Variants in SPATA6 observed in about 807,000 individuals in gnomAD.
SPATA6 encodes the protein spermatogenesis associated 6, also known as spermatogenesis-associated protein 6.
SPATA6 carries 56 observed loss-of-function variants against 65.3 expected under a neutral mutation model. The ratio of observed to expected loss-of-function variants is 0.86; its 90% CI spans 0.69 to 1.07. The LOEUF (loss-of-function observed/expected upper bound fraction) is 1.07. Among genes scored for constraint, SPATA6 ranks in the 50% least tolerant of loss-of-function variants. The pLI is 0.00. For synonymous variants in SPATA6, 199 were observed against 213.2 expected, an observed-to-expected ratio of 0.93 and a Z score of 0.58; for missense variants, 590 against 594.8, an observed-to-expected ratio of 0.99 and a Z score of 0.08.
In SPATA6 at chr1:48,359,762, C is replaced by T. The variant is rs2148817208; in HGVS notation, c.918G>A (p.Arg306=). The T allele has an allele frequency of 6.2e-7, 1 of 1,608,344 alleles. No individual in the cohort carries two copies. The highest frequency in any genetic ancestry group is 8.5e-7 in the Non-Finnish European group (1 of 1,177,426). Residue 306 remains arginine, a synonymous_variant, in exon 10 of 13, where the codon AGG becomes AGA. Transcript: ENST00000371847. ...CCRPKDYKVI[R]TPHGRDFDDS... is the part of the protein sequence containing the mutation. ...CATCGAAGTCTCTCCCATGGGGTGT[C>T]CTGATAACCTGTTTTAAAAATTATA... is the stretch of plus-strand genomic sequence containing the variant.
intron 1 of SPATA6, among the ~76,000 whole-genome samples, chr1:48,453,404 T>C (rs1168561965): frequency 6.6e-6 from 1 of 152,220 alleles, no homozygotes; most frequent in African/African-American, 2.4e-5. Context: ...CAGACACTAA[T>C]AGTTTTAAAC....
chr1:48,364,442 T>A (rs1646927370), intron 9 of SPATA6, among the ~76,000 whole-genome samples: 2 of 152,242 alleles, frequency 1.3e-5, no homozygotes, highest in African/African-American at 4.8e-5. Context: ...TTCCTATTTC[T>A]ACACATCCTC....
At chr1:48,285,554 C>T in the SPATA6 span, among the ~76,000 whole-genome samples, 1 of 151,766 alleles carries the variant, frequency 6.6e-6, no homozygotes, top group Non-Finnish European at 1.5e-5. Flanking sequence ...TGTGTGAAAC[C>T]CAGGGCCCTG....
At chr1:48,385,609 T>C (rs1649380951) in intron 8 of SPATA6, among the ~76,000 whole-genome samples, 1 of 152,204 alleles carries the variant, frequency 6.6e-6, no homozygotes, top group Non-Finnish European at 1.5e-5. Flanking sequence ...GAGTAACTTT[T>C]AGTCGATAAA....
intron 10 of SPATA6, among the ~76,000 whole-genome samples, chr1:48,356,411 TAATA>T (rs1218783683): frequency 1.3e-5 from 2 of 151,630 alleles, no homozygotes; most frequent in Non-Finnish European, 2.9e-5. Context: ...TTTCTAATTA[TAATA>T]TATAGTGTTA....
At chr1:48,376,359 T>G (rs778164050) in intron 9 of SPATA6, among the ~76,000 whole-genome samples, 1 of 152,138 alleles carries the variant, frequency 6.6e-6, no homozygotes, top group Non-Finnish European at 1.5e-5. Context: ...GCAGAAAAAT[T>G]TAGAGTTCTG....
chr1:48,344,754 A>T (rs986557506), intron 11 of SPATA6, among the ~76,000 whole-genome samples: 3 of 152,196 alleles, frequency 2.0e-5, no homozygotes. Context: ...ACTTTAAACC[A>T]ACAAAGATAA....
At chr1:48,470,221 A>T (rs1402872613) in intron 1 of SPATA6, among the ~76,000 whole-genome samples, 1 of 152,210 alleles carries the variant, frequency 6.6e-6, no homozygotes, top group East Asian at 1.9e-4. Context: ...GTTACAACAG[A>T]GTACTTCCTC....
intron 12 of SPATA6, among the ~76,000 whole-genome samples, chr1:48,304,223 C>G (rs1645005556): frequency 6.6e-6 from 1 of 152,110 alleles, no homozygotes; most frequent in Admixed American, 6.6e-5. Flanking sequence ...AAGGACTGAC[C>G]ACTTCATCCA....
the SPATA6 span, among the ~76,000 whole-genome samples, chr1:48,278,102 C>A: frequency 4.9e-4 from 74 of 152,320 alleles, no homozygotes; most frequent in African/African-American, 1.7e-3. Context: ...CAAACTCCAA[C>A]AGACCTGCAG....
intron 11 of SPATA6, chr1:48,355,450 T>G (rs546687429): frequency 5.1e-6 from 2 of 393,204 alleles, no homozygotes; most frequent in East Asian, 3.9e-5. Context: ...TAACATTGTT[T>G]ATAGTTAAGA....
At chr1:48,364,795 T>C (rs1049371103) in intron 9 of SPATA6, among the ~76,000 whole-genome samples, 6 of 152,368 alleles carry the variant, frequency 3.9e-5, no homozygotes, top group East Asian at 1.9e-4. Context: ...AGAAGCTCTT[T>C]AGTTTAATTA....
At chr1:48,366,568 C>G (rs1647022140) in intron 9 of SPATA6, among the ~76,000 whole-genome samples, 1 of 152,144 alleles carries the variant, frequency 6.6e-6, no homozygotes, top group South Asian at 2.1e-4. Context: ...TCTAGATTTT[C>G]TAGTTTATTT....
At chr1:48,280,160 A>T in the SPATA6 span, among the ~76,000 whole-genome samples, 1 of 151,594 alleles carries the variant, frequency 6.6e-6, no homozygotes. Flanking sequence ...ACATACCAGA[A>T]TCTCTGGGAC....
intron 1 of SPATA6, 68 bp downstream of exon 1, chr1:48,471,890 G>C: frequency 1.3e-6 from 2 of 1,572,742 alleles, no homozygotes; most frequent in Admixed American, 3.4e-5. Context: ...GTGGTTCCGG[G>C]CTCTCGGAGG....
intron 1 of SPATA6, among the ~76,000 whole-genome samples, chr1:48,471,297 TG>T: frequency 6.6e-6 from 1 of 152,224 alleles, no homozygotes; most frequent in Non-Finnish European, 1.5e-5. Flanking sequence ...TAAAAATGAC[TG>T]GGCCTTTCTT....
intron 3 of SPATA6, among the ~76,000 whole-genome samples, chr1:48,437,674 G>T (rs1293308059): frequency 6.6e-6 from 1 of 152,010 alleles, no homozygotes; most frequent in South Asian, 2.1e-4. Context: ...CCCTTTTCTG[G>T]TAGAGGGAAA....
intron 1 of SPATA6, among the ~76,000 whole-genome samples, chr1:48,470,038 A>C (rs1658116194): frequency 6.6e-6 from 1 of 152,156 alleles, no homozygotes; most frequent in Admixed American, 6.5e-5. Context: ...AAATTCTGTG[A>C]CTTAAATGTT....
intron 3 of SPATA6, among the ~76,000 whole-genome samples, chr1:48,439,784 G>A (rs1263470582): frequency 6.6e-6 from 1 of 152,150 alleles, no homozygotes; most frequent in Non-Finnish European, 1.5e-5. Context: ...CTAAGCCACT[G>A]GGACCAATTT....
Sources: allele counts gnomAD v4.1 joint callset (sites outside exome capture counted in the v4.1 genomes callset), GRCh38; gene constraint gnomAD v4.1.1; transcripts MANE v1.5; gene names NCBI Gene and HGNC (gene_info 2026-07-23, HGNC 2026-07-21).